Variants in ZFP41 observed in about 807,000 individuals in gnomAD.
The protein encoded by ZFP41 is zinc finger protein 41 homolog.
Under a neutral mutation model 11.6 loss-of-function variants are expected in ZFP41, and 10 were observed. The ratio of observed to expected loss-of-function variants is 0.86; its 90% CI spans 0.53 to 1.47. ZFP41 has a LOEUF of 1.47. ZFP41 is among the 40% of genes most tolerant of loss of function. The probability of loss-of-function intolerance (pLI) is 0.00; values close to 1 mark genes in which losing one functional copy is unlikely to be tolerated. For synonymous variants in ZFP41, 123 were observed against 100.9 expected (o/e 1.22, Z -1.31); for missense variants, 302 against 264.6 (o/e 1.14, Z -0.98).
intron 2 of ZFP41, chr8:143,253,089 T>A (rs995885660): frequency 1.3e-5 from 2 of 152,152 alleles, no homozygotes; most frequent in African/African-American, 4.8e-5. Flanking sequence ...GAAGAGTTGC[T>A]TTGAAGGACT....
chr8:143,259,244 C>G (rs1206347456), intron 2 of ZFP41, among the ~76,000 whole-genome samples: 1 of 152,302 alleles, frequency 6.6e-6, no homozygotes, highest in South Asian at 2.1e-4. Flanking sequence ...AGAAGACACA[C>G]GGCGTGATTT....
rs1194711750 is a variant in ZFP41 at position 143,262,030 on chromosome 8, C to T, written c.*3156C>T. On this transcript the variant is annotated 3_prime_UTR_variant, in exon 3 of 3. Transcript: ENST00000330701. ...GTCTCCGGCAGCCCCTGCCTGCACC[C>T]GCACCCCTCACGGCTGTCTCCGGCA... The T allele has an allele frequency of 9.3e-5, 19 of 204,348 alleles. No individual in the cohort carries two copies. Among genetic ancestry groups the T allele is most frequent in the African/African-American group, 3.0e-4 (12 of 40,386 alleles). 12.7% of individuals were successfully genotyped at this position (204,348 alleles called of 1,614,324 possible). A position where few individuals can be genotyped will look rare whatever the true frequency, so the allele number is the denominator to read the frequency against.
Position 143,250,322 on chromosome 8 carries a change from A to C in ZFP41, c.479A>C (p.Lys160Thr), listed in dbSNP as rs1033908853. 1.9e-6 allele frequency: 3 copies of C among 1,614,030 alleles called. No individual in the cohort carries two copies. Among genetic ancestry groups the C allele is most frequent in the Non-Finnish European group, 2.5e-6 (3 of 1,180,020 alleles). ...KAFNCGSNLL[K>T]HQKTHTGEKP... ...TTTAACTGCGGCTCCAATCTCCTGA[A>C]ACATCAGAAGACGCACACCGGGGAG... The change falls in exon 2 of 3, where the codon AAA becomes ACA. Residue 160 changes from lysine to threonine, a missense_variant. Coordinates refer to ENST00000330701, the MANE Select transcript of ZFP41 (RefSeq NM_173832.6).
chr8:143,262,647 C>T lies in ZFP41; in HGVS notation c.*3773C>T, dbSNP rs1480594303. ...CCGACACACTCACTGCGACGCCTCC[C>T]TTGCCTACTGCTTGCTGGCTTCTGT... On this transcript the variant is annotated 3_prime_UTR_variant, in exon 3 of 3. Transcript: ENST00000330701. 6.6e-6 allele frequency: 1 copy of T among 152,340 alleles called. No homozygotes were observed. The highest frequency in any genetic ancestry group is 1.5e-5 in the Non-Finnish European group (1 of 68,098). The allele number at this position is 152,340 out of a possible 1,614,324, so 9.4% of individuals were successfully genotyped here. A position where few individuals can be genotyped will look rare whatever the true frequency, so the allele number is the denominator to read the frequency against.
chr8:143,257,885 A>C (rs1376700607), intron 2 of ZFP41, among the ~76,000 whole-genome samples: 3 of 152,266 alleles, frequency 2.0e-5, no homozygotes, highest in Non-Finnish European at 2.9e-5. Flanking sequence ...GGTGCTTTGC[A>C]CGTGAGTTCA....
In ZFP41 at chr8:143,250,313, A is replaced by G. The variant is rs776841906; in HGVS notation, c.470A>G (p.Asn157Ser). ...GGGAAAGCCTTTAACTGCGGCTCCA[A>G]TCTCCTGAAACATCAGAAGACGCAC... The part of the protein sequence containing the change: ...ECGKAFNCGS[N>S]LLKHQKTHTG... The change falls in exon 2 of 3, where the codon AAT (asparagine) becomes AGT (serine). Residue 157 changes from asparagine to serine, a missense_variant. Physicochemically the swap from Asn to Ser is conservative, Grantham distance 46. Transcript: ENST00000330701. 5 of 1,614,000 alleles carry G rather than the reference A, an allele frequency of 3.1e-6. No homozygotes were observed. The highest frequency in any genetic ancestry group is 1.3e-5 in the African/African-American group (1 of 75,044).
At chr8:143,253,378 A>C (rs991597269) in intron 2 of ZFP41, 1 of 152,220 alleles carries the variant, frequency 6.6e-6, no homozygotes, top group Admixed American at 6.5e-5. Context: ...TCTCCGATGA[A>C]GGGTCAGGCA....
At chr8:143,252,108 A>G (rs1173578163) in intron 2 of ZFP41, among the ~76,000 whole-genome samples, 1 of 152,226 alleles carries the variant, frequency 6.6e-6, no homozygotes, top group Non-Finnish European at 1.5e-5. Context: ...CCCCGCAGAA[A>G]TAGAAATAGC....
chr8:143,248,835 C>T (rs1586708150), intron 1 of ZFP41, among the ~76,000 whole-genome samples: 1 of 152,188 alleles, frequency 6.6e-6, no homozygotes, highest in East Asian at 1.9e-4. Context: ...GTGATGTTGG[C>T]CTGAAACTGA....
chr8:143,258,476 G>A (rs1051714244), intron 2 of ZFP41, among the ~76,000 whole-genome samples: 3 of 152,348 alleles, frequency 2.0e-5, no homozygotes, highest in African/African-American at 7.2e-5. Context: ...TCAAGACCCT[G>A]TCATGGTGTG....
chr8:143,253,320 G>A (rs890188980), intron 2 of ZFP41: 1 of 152,284 alleles, frequency 6.6e-6, no homozygotes, highest in Non-Finnish European at 1.5e-5. Context: ...ACAGAGGAGA[G>A]TGGCTAAATG....
chr8:143,257,557 AGACACCATTGAGAG>A (rs974211402), intron 2 of ZFP41, among the ~76,000 whole-genome samples: 5 of 152,234 alleles, frequency 3.3e-5, no homozygotes, highest in Non-Finnish European at 7.3e-5. Flanking sequence ...TAATGGAAAC[AGACACCATTGAGAG>A]GACAAAAGAG....
Position 143,249,900 on chromosome 8 carries a change from C to T in ZFP41, c.57C>T (p.Asp19=), listed in dbSNP as rs760054463. ...CGCCGACCCCAAGGGAGGAGGCAGA[C>T]GTGCAGAAGAGTGCGCTCAGAGAGG... is the stretch of plus-strand genomic sequence containing the variant. ...KKTPTPREEA[D]VQKSALREEK... is the part of the protein sequence containing the mutation. Residue 19 remains aspartate, a synonymous_variant, in exon 2 of 3, where the codon GAC becomes GAT. Transcript: ENST00000330701. 13 of 1,612,682 alleles carry T rather than the reference C, an allele frequency of 8.1e-6. No individual in the cohort carries two copies. The East Asian group carries it at 8.9e-5, about 11-fold the overall frequency.
chr8:143,252,539 A>T lies in ZFP41; in HGVS notation c.*900+1199A>T, dbSNP rs1039271924. ...AGCGCAGGTGAGCAGGTGAACCACC[A>T]GAGGGGAGCCGTGGCGCCTGTGGCC... On this transcript the variant is annotated intron_variant, in intron 2 of 2. Transcript: ENST00000330701. 5.9e-6 allele frequency: 3 copies of T among 505,096 alleles called. No individual in the cohort carries two copies. In the African/African-American group the frequency reaches 6.2e-5, roughly 11 times the overall value. The allele number at this position is 505,096 out of a possible 1,614,324, so 31.3% of individuals were successfully genotyped here.
At position 143,249,704 on chromosome 8, in the gene ZFP41, TG is replaced by T; in HGVS notation, c.-138del. The T allele has an allele frequency of 7.5e-7, 1 of 1,338,242 alleles. No homozygotes were observed. The highest frequency in any genetic ancestry group is 9.9e-7 in the Non-Finnish European group (1 of 1,010,680). The allele number at this position is 1,338,242 out of a possible 1,614,324, so 82.9% of individuals were successfully genotyped here. A position where few individuals can be genotyped will look rare whatever the true frequency, so the allele number is the denominator to read the frequency against. ...CTTCTCCCCAGCACCAAGAGGATGG[TG>T]GCCCTTGGCCTCCTGGTGCAGAGCA... On this transcript the variant is annotated 5_prime_UTR_variant, in exon 2 of 3. An upstream open reading frame in the 5' UTR loses its in-frame stop. Coordinates refer to ENST00000330701, the MANE Select transcript of ZFP41 (RefSeq NM_173832.6).
rs1475797523 is a variant in ZFP41, at chr8:143,250,620, C to T, written c.*180C>T. ...TGGGAACGTGCCAGCGAGGGAGAGA[C>T]CTTTCCACTGCAGAGAGTCTCTCTG... On this transcript the variant is annotated 3_prime_UTR_variant, in exon 2 of 3. Coordinates refer to ENST00000330701, the MANE Select transcript of ZFP41 (RefSeq NM_173832.6). The T allele has an allele frequency of 5.3e-6, 5 of 949,232 alleles. No homozygotes were observed. Among genetic ancestry groups the T allele is most frequent in the South Asian group, 3.5e-5 (2 of 57,030 alleles). The allele number at this position is 949,232 out of a possible 1,614,324, so 58.8% of individuals were successfully genotyped here.
At position 143,250,518 on chromosome 8, in the gene ZFP41, C is replaced by A. The variant is rs780310656; in HGVS notation, c.*78C>A. 1.9e-6 allele frequency: 3 copies of A among 1,548,610 alleles called. No individual in the cohort carries two copies. The highest frequency in any genetic ancestry group is 2.6e-6 in the Non-Finnish European group (3 of 1,147,836). ...TGCTCCGTGGCTCCCTCGTGTCCCG[C>A]GTCTGATGGGGGCGCAGGGCCGTGC... On this transcript the variant is annotated 3_prime_UTR_variant, in exon 2 of 3. Transcript: ENST00000330701.
Position 143,260,858 on chromosome 8 carries a change from C to CA in ZFP41, c.*1985dup, listed in dbSNP as rs1395268853. 2.9e-5 allele frequency: 5 copies of CA among 172,486 alleles called. No homozygotes were observed. Among genetic ancestry groups the CA allele is most frequent in the Non-Finnish European group, 1.2e-5 (1 of 80,326 alleles). The allele number at this position is 172,486 out of a possible 1,614,324, so 10.7% of individuals were successfully genotyped here. A position where few individuals can be genotyped will look rare whatever the true frequency, so the allele number is the denominator to read the frequency against. On this transcript the variant is annotated 3_prime_UTR_variant, in exon 3 of 3. Coordinates refer to ENST00000330701, the MANE Select transcript of ZFP41 (RefSeq NM_173832.6). ...TCGGCCAGCCGAGCTCTGTAGGCCTCAGAGTGCAGAGAACCTCAAATGTTG... is the reference window on the plus strand; with the variant it reads ...TCGGCCAGCCGAGCTCTGTAGGCCTCAAGAGTGCAGAGAACCTCAAATGTTG...
chr8:143,252,773 C>T (rs961015337), intron 2 of ZFP41: 4 of 291,468 alleles, frequency 1.4e-5, no homozygotes, highest in African/African-American at 4.5e-5. Flanking sequence ...AGCCCACTGC[C>T]GTCAGCATGG....
Sources: gnomAD v4.1 joint callset for allele counts (sites outside exome capture counted in the v4.1 genomes callset) on GRCh38, gnomAD v4.1.1 for gene constraint, MANE v1.5 for transcripts, NCBI Gene and HGNC (gene_info 2026-07-23, HGNC 2026-07-21) for gene names.